The following CIRSR variants were observed in gnomAD, a reference collection of about 807,000 sequenced individuals.
CIRSR encodes the protein CBF1 (RBPJ) interacting corepressor 1.
the CIRSR span, among the ~76,000 whole-genome samples, chr2:174,353,979 C>T: frequency 6.7e-3 from 1,024 of 152,122 alleles, 13 homozygotes; most frequent in African/African-American, 0.024. Flanking sequence ...GGTCACAAAG[C>T]TTGGCCATCA....
chr2:174,348,923 C>A, the CIRSR span: 2 of 1,614,118 alleles, frequency 1.2e-6, no homozygotes, highest in Non-Finnish European at 1.7e-6. Flanking sequence ...ACTTGTCCTT[C>A]TCTTCAGAAT....
At chr2:174,362,019 T>C in the CIRSR span, among the ~76,000 whole-genome samples, 1 of 152,196 alleles carries the variant, frequency 6.6e-6, no homozygotes. Flanking sequence ...ATGGCAGGGC[T>C]GGGCATTGTG....
chr2:174,375,927 T>G, the CIRSR span, among the ~76,000 whole-genome samples: 1 of 152,212 alleles, frequency 6.6e-6, no homozygotes, highest in East Asian at 1.9e-4. Context: ...GGTGCAAACC[T>G]GGCTCACTGC....
chr2:174,395,653 T>C, the CIRSR span: 1 of 1,614,148 alleles, frequency 6.2e-7, no homozygotes, highest in Non-Finnish European at 8.5e-7. Flanking sequence ...AAGCAGGGGC[T>C]AGATCTGTTA....
the CIRSR span, among the ~76,000 whole-genome samples, chr2:174,366,024 T>A: frequency 7.9e-5 from 12 of 152,172 alleles, no homozygotes; most frequent in African/African-American, 2.9e-4. Flanking sequence ...AGATGGAAAC[T>A]CTTAGAATCA....
At chr2:174,380,372 G>T in the CIRSR span, 1 of 706,330 alleles carries the variant, frequency 1.4e-6, no homozygotes, top group Non-Finnish European at 2.3e-6. Context: ...ACTTCAGTAA[G>T]AATACAGAAC....
the CIRSR span, among the ~76,000 whole-genome samples, chr2:174,361,661 CT>C: frequency 8.5e-5 from 13 of 152,190 alleles, no homozygotes; most frequent in Non-Finnish European, 1.8e-4. Context: ...GAGAAGAACA[CT>C]GACACACAAA....
chr2:174,348,751 C>T, the CIRSR span: 1 of 1,614,064 alleles, frequency 6.2e-7, no homozygotes, highest in South Asian at 1.1e-5. Flanking sequence ...CCTCTCTTCT[C>T]TGGGCTATGT....
At chr2:174,386,973 T>C in the CIRSR span, among the ~76,000 whole-genome samples, 5 of 152,210 alleles carry the variant, frequency 3.3e-5, no homozygotes, top group Admixed American at 1.3e-4. Flanking sequence ...CTTATTGCCA[T>C]GCATGGAGTA....
At chr2:174,377,352 G>T in the CIRSR span, among the ~76,000 whole-genome samples, 5 of 152,212 alleles carry the variant, frequency 3.3e-5, no homozygotes, top group Middle Eastern at 3.4e-3. Context: ...TAGTTAGCTG[G>T]GGGCAAGGGA....
the CIRSR span, among the ~76,000 whole-genome samples, chr2:174,381,192 ATAT>A: frequency 6.6e-6 from 1 of 152,218 alleles, no homozygotes; most frequent in Admixed American, 6.5e-5. Flanking sequence ...ACATTATGAA[ATAT>A]TATCAGATTA....
the CIRSR span, chr2:174,387,835 T>G: frequency 1.4e-6 from 2 of 1,447,114 alleles, no homozygotes; most frequent in African/African-American, 2.9e-5. Context: ...TTAAACAAAC[T>G]TTGCTTTTCT....
the CIRSR span, chr2:174,395,438 A>T: frequency 9.6e-7 from 1 of 1,045,564 alleles, no homozygotes; most frequent in South Asian, 1.4e-5. Context: ...CTTTAGGCCT[A>T]GAGAAGCGGA....
the CIRSR span, among the ~76,000 whole-genome samples, chr2:174,377,876 C>T: frequency 6.8e-6 from 1 of 146,354 alleles, no homozygotes; most frequent in Non-Finnish European, 1.5e-5. Context: ...TTCCTAAACC[C>T]CTAATAGGAG....
chr2:174,376,167 G>C, the CIRSR span, among the ~76,000 whole-genome samples: 8 of 152,234 alleles, frequency 5.3e-5, no homozygotes, highest in South Asian at 1.7e-3. Flanking sequence ...AGCCCTGAAA[G>C]AACATTTTAT....
the CIRSR span, among the ~76,000 whole-genome samples, chr2:174,363,075 TAACAAATGCTA>T: frequency 6.6e-6 from 1 of 152,132 alleles, no homozygotes. Context: ...TTGTTTTCCT[TAACAAATGCTA>T]ACTCTCAAGG....
chr2:174,374,267 T>G, the CIRSR span, among the ~76,000 whole-genome samples: 1 of 152,236 alleles, frequency 6.6e-6, no homozygotes. Context: ...TTTTAATTCT[T>G]CAAAGCTCAT....
chr2:174,385,215 C>CAAAA, the CIRSR span, among the ~76,000 whole-genome samples: 1 of 94,120 alleles, frequency 1.1e-5, no homozygotes, highest in Non-Finnish European at 2.1e-5. Context: ...ACCTTCCTCT[C>CAAAA]AAAAAAAAAA....
the CIRSR span, among the ~76,000 whole-genome samples, chr2:174,370,856 AGCCAAGATCGAGCCACT>A: frequency 6.6e-6 from 1 of 150,754 alleles, no homozygotes; most frequent in Non-Finnish European, 1.5e-5. Flanking sequence ...GCTTGCAGTG[AGCCAAGATCGAGCCACT>A]GCAATCCATC....
Sources: allele counts gnomAD v4.1 joint callset (sites outside exome capture counted in the v4.1 genomes callset), GRCh38; gene constraint gnomAD v4.1.1; transcripts MANE v1.5; gene names NCBI Gene and HGNC (gene_info 2026-07-23, HGNC 2026-07-21).